The following TSHB variants were observed in gnomAD, a reference collection of about 807,000 sequenced individuals.
The protein encoded by TSHB is thyrotropin subunit beta.
In TSHB, 9 loss-of-function variants were observed where a neutral mutation model predicts 9.3. The ratio of observed to expected loss-of-function variants is 0.97; its 90% confidence interval spans 0.58 to 1.69. The LOEUF (loss-of-function observed/expected upper bound fraction) is 1.69, where lower values mean the gene tolerates loss of function less well. Among genes scored for constraint, TSHB ranks in the 40% most tolerant of loss-of-function variants. The pLI is 0.00. For synonymous variants in TSHB, 57 were observed against 57.2 expected (o/e 1.00, Z 0.01); for missense variants, 182 against 168.5 (o/e 1.08, Z -0.44).
intron 1 of TSHB, among the ~76,000 whole-genome samples, chr1:115,032,757 A>C (rs1190121697): frequency 6.6e-6 from 1 of 152,018 alleles, no homozygotes; most frequent in Non-Finnish European, 1.5e-5. Context: ...TATCATATTG[A>C]TATGATATAT....
intron 2 of TSHB, 40 bp from the exon 3 acceptor site, chr1:115,033,933 G>A: frequency 6.2e-7 from 1 of 1,608,396 alleles, no homozygotes; most frequent in Non-Finnish European, 8.5e-7. Flanking sequence ...GTTTCCTAAA[G>A]TCCTGTCACA....
chr1:115,031,446 T>G (rs1483092763), intron 1 of TSHB, among the ~76,000 whole-genome samples: 1 of 152,028 alleles, frequency 6.6e-6, no homozygotes, highest in African/African-American at 2.4e-5. Context: ...TATATTTTAG[T>G]CAAGTTCTCA....
rs1181772987 is a variant in TSHB, at chr1:115,034,136, A to G, written c.326A>G (p.Asn109Ser). 1.2e-6 allele frequency: 2 copies of G among 1,613,732 alleles called. No individual in the cohort carries two copies. The highest frequency in any genetic ancestry group is 1.7e-6 in the Non-Finnish European group (2 of 1,179,814). The change falls in exon 3 of 3, where the codon AAT (asparagine) becomes AGT (serine). Residue 109 changes from asparagine to serine, a missense_variant. Coordinates refer to ENST00000256592, the MANE Select transcript of TSHB (RefSeq NM_000549.5). The part of the protein sequence containing the change: ...VALSCKCGKC[N>S]TDYSDCIHEA... ...TTAAGCTGTAAGTGTGGCAAGTGCA[A>G]TACTGACTATAGTGACTGCATACAT...
chr1:115,030,609 C>A (rs530976141), intron 1 of TSHB, among the ~76,000 whole-genome samples: 3 of 152,028 alleles, frequency 2.0e-5, no homozygotes, highest in South Asian at 4.1e-4. Flanking sequence ...AAAATACGTT[C>A]AAAGTAGGGA....
At chr1:115,030,646 G>C (rs564577123) in intron 1 of TSHB, among the ~76,000 whole-genome samples, 1 of 151,988 alleles carries the variant, frequency 6.6e-6, no homozygotes, top group Non-Finnish European at 1.5e-5. Context: ...TCTGAAGAAG[G>C]CATCTCATTA....
At position 115,029,865 on chromosome 1, in the gene TSHB, G is replaced by A. The variant is rs1048832767; in HGVS notation, c.-2+5G>A. 1 of 152,486 alleles carries A rather than the reference G, an allele frequency of 6.6e-6. No homozygotes were observed. Among genetic ancestry groups the A allele is most frequent in the African/African-American group, 2.4e-5 (1 of 41,448 alleles). The allele number at this position is 152,486 out of a possible 1,614,324, so 9.4% of individuals were successfully genotyped here. ...TGCTCACCAATGCAAAGTAAGGTAG[G>A]TGTCTATAGTGAGAAGGCTCTGTGA... On this transcript the variant is annotated splice_donor_5th_base_variant and intron_variant, in intron 1 of 2. Transcript: ENST00000256592.
Position 115,034,043 on chromosome 1 carries a change from T to C in TSHB, c.233T>C (p.Ile78Thr), listed in dbSNP as rs112634174. ...GATGTTTGCACATATAGAGACTTCATCTACAGGACTGTAGAAATACCAGGA... is the reference window on the plus strand; with the variant it reads ...GATGTTTGCACATATAGAGACTTCACCTACAGGACTGTAGAAATACCAGGA... ...SQDVCTYRDF[I>T]YRTVEIPGCP... The change falls in exon 3 of 3, where the codon ATC becomes ACC. Residue 78 changes from isoleucine (I) to threonine (T), a missense_variant. Coordinates refer to ENST00000256592, the MANE Select transcript of TSHB (RefSeq NM_000549.5). 12 of 1,613,760 alleles carry C rather than the reference T, an allele frequency of 7.4e-6. No homozygotes were observed. In the African/African-American group the frequency reaches 8.0e-5, roughly 11 times the overall value.
chr1:115,031,875 G>T (rs901363643), intron 1 of TSHB, among the ~76,000 whole-genome samples: 4 of 151,892 alleles, frequency 2.6e-5, no homozygotes, highest in Admixed American at 2.6e-4. Context: ...TCATTTAAAA[G>T]AATTTGTGAG....
At chr1:115,030,666 T>A (rs1233829636) in intron 1 of TSHB, among the ~76,000 whole-genome samples, 1 of 152,094 alleles carries the variant, frequency 6.6e-6, no homozygotes, top group East Asian at 1.9e-4. Context: ...ATTTAGGCCC[T>A]GCCTGAAACC....
Position 115,029,869 on chromosome 1 carries a change from C to G in TSHB, c.-2+9C>G, listed in dbSNP as rs1468971989. On this transcript the variant is annotated intron_variant, in intron 1 of 2. Transcript: ENST00000256592. The stretch of plus-strand genomic sequence containing the variant: ...CACCAATGCAAAGTAAGGTAGGTGT[C>G]TATAGTGAGAAGGCTCTGTGAAATG... The G allele has an allele frequency of 1.0e-4, 16 of 152,450 alleles. No homozygotes were observed. Among genetic ancestry groups the G allele is most frequent in the Non-Finnish European group, 2.9e-5 (2 of 67,934 alleles). 9.4% of individuals were successfully genotyped at this position (152,450 alleles called of 1,614,324 possible).
At chr1:115,031,520 C>T (rs1674893972) in intron 1 of TSHB, among the ~76,000 whole-genome samples, 1 of 151,982 alleles carries the variant, frequency 6.6e-6, no homozygotes, top group African/African-American at 2.4e-5. Context: ...CAGGTCACCA[C>T]ATTGATTTTA....
At chr1:115,030,592 G>T (rs970123007) in intron 1 of TSHB, among the ~76,000 whole-genome samples, 1 of 151,904 alleles carries the variant, frequency 6.6e-6, no homozygotes, top group Non-Finnish European at 1.5e-5. Context: ...ACATATCTTG[G>T]AATAAGAAAA....
rs1674939386 is a variant in TSHB, at chr1:115,033,460, GGA to G, written c.104_105del (p.Glu35ValfsTer40). 2 of 1,613,198 alleles carry G rather than the reference GGA, an allele frequency of 1.2e-6. No individual in the cohort carries two copies. Among genetic ancestry groups the G allele is most frequent in the Non-Finnish European group, 1.7e-6 (2 of 1,179,214 alleles). On this transcript the variant is annotated frameshift_variant, in exon 2 of 3. Coordinates refer to ENST00000256592, the MANE Select transcript of TSHB (RefSeq NM_000549.5). LOFTEE classifies it high-confidence loss of function. The stretch of plus-strand genomic sequence containing the variant: ...ACTGAGTATACAATGCACATCGAAA[GGA>G]GAGAGTGTGCTTATTGCCTAACCAT...
At chr1:115,030,406 A>G (rs1182930381) in intron 1 of TSHB, among the ~76,000 whole-genome samples, 1 of 152,046 alleles carries the variant, frequency 6.6e-6, no homozygotes, top group Non-Finnish European at 1.5e-5. Flanking sequence ...ATACTGCTTT[A>G]GTGAAGTTCC....
At position 115,034,076 on chromosome 1, in the gene TSHB, T is replaced by A. The variant is rs143592778; in HGVS notation, c.266T>A (p.Leu89His). 6.2e-7 allele frequency: 1 copy of A among 1,613,778 alleles called. No homozygotes were observed. Among genetic ancestry groups the A allele is most frequent in the Non-Finnish European group, 8.5e-7 (1 of 1,179,778 alleles). Reference sequence around the variant, plus strand: ...ACTGTAGAAATACCAGGATGCCCACTCCATGTTGCTCCCTATTTTTCCTAT... The same window carrying A: ...ACTGTAGAAATACCAGGATGCCCACACCATGTTGCTCCCTATTTTTCCTAT... The part of the protein sequence containing the change: ...YRTVEIPGCP[L>H]HVAPYFSYPV... Residue 89 changes from leucine to histidine, a missense_variant, in exon 3 of 3, where the codon CTC becomes CAC. By Grantham distance (99) the Leu-to-His change is moderately conservative (BLOSUM62 -3). Coordinates refer to ENST00000256592, the MANE Select transcript of TSHB (RefSeq NM_000549.5).
At chr1:115,033,600 A>G (rs1674943715) in intron 2 of TSHB, 76 bp downstream of exon 2, 1 of 1,336,798 alleles carries the variant, frequency 7.5e-7, no homozygotes, top group Non-Finnish European at 1.1e-6. Flanking sequence ...ATAGAAAGGA[A>G]ATGAAATAAA....
At chr1:115,030,520 A>G (rs1674873521) in intron 1 of TSHB, among the ~76,000 whole-genome samples, 1 of 152,028 alleles carries the variant, frequency 6.6e-6, no homozygotes, top group South Asian at 2.1e-4. Context: ...AGTGTTTATT[A>G]AGAATGAAGC....
chr1:115,033,879 A>C, intron 2 of TSHB, 94 bp from the exon 3 acceptor site: 1 of 1,520,152 alleles, frequency 6.6e-7, no homozygotes, highest in Non-Finnish European at 9.0e-7. Context: ...ATTTGTGATG[A>C]AGGAATATAA....
Position 115,034,269 on chromosome 1 carries a change from A to C in TSHB, c.*42A>C, listed in dbSNP as rs1674963243. 6.3e-7 allele frequency: 1 copy of C among 1,578,132 alleles called. No individual in the cohort carries two copies. Among genetic ancestry groups the C allele is most frequent in the Non-Finnish European group, 8.7e-7 (1 of 1,147,866 alleles). ...AATTTGGTTAAATGTGCTTGCCTGA[A>C]ATAAAGCTAATAAAAATATTATGTT... On this transcript the variant is annotated 3_prime_UTR_variant, in exon 3 of 3. Transcript: ENST00000256592.
Sources: gnomAD v4.1 joint callset for allele counts (sites outside exome capture counted in the v4.1 genomes callset) on GRCh38, gnomAD v4.1.1 for gene constraint, MANE v1.5 for transcripts, NCBI Gene and HGNC (gene_info 2026-07-23, HGNC 2026-07-21) for gene names.